PARD3: variants seen among roughly 807,000 people sequenced by gnomAD.
PARD3 encodes par-3 family cell polarity regulator, also known as partitioning defective 3 homolog.
PARD3 carries 75 observed loss-of-function variants against 155.4 expected under a neutral mutation model. That is an observed-to-expected ratio of 0.48 (90% CI 0.40 to 0.58). The LOEUF is 0.58. Ranked by LOEUF, PARD3 falls within the 20% of genes least tolerant of loss-of-function variation. The pLI, the probability that PARD3 is intolerant of heterozygous loss-of-function variation, is 0.00. For synonymous variants in PARD3, 576 were observed against 610.5 expected (o/e 0.94, Z 0.83); for missense variants, 1,642 against 1,721.7 (o/e 0.95, Z 0.82).
chr10:34,232,997 C>T (rs35937933), intron 22 of PARD3, among the ~76,000 whole-genome samples: 9,924 of 150,842 alleles, frequency 0.066, 580 homozygotes, highest in African/African-American at 0.14. Flanking sequence ...CCACCGTGCC[C>T]GGCCCATCCT....
At chr10:34,287,739 A>G (rs565987441) in intron 20 of PARD3, among the ~76,000 whole-genome samples, 1 of 152,316 alleles carries the variant, frequency 6.6e-6, no homozygotes, top group South Asian at 2.1e-4. Context: ...TTTTCTCTTA[A>G]GTACGTATGA....
rs769762949 is a variant in PARD3, at chr10:34,378,116, T to C, written c.1400-10A>G. On this transcript the variant is annotated splice_polypyrimidine_tract_variant and intron_variant, in intron 9 of 24. Transcript: ENST00000374788. The stretch of plus-strand genomic sequence containing the variant: ...CCCAAACCTTCTGTACCTAGGTATG[T>C]GAAGGAGAAGAAAAGTAAATAAAAT... The C allele has an allele frequency of 7.0e-6, 11 of 1,565,664 alleles. No homozygotes were observed. In the South Asian group the frequency reaches 1.3e-4, roughly 19 times the overall value.
intron 2 of PARD3, among the ~76,000 whole-genome samples, chr10:34,628,726 G>C (rs2092113214): frequency 6.6e-6 from 1 of 152,220 alleles, no homozygotes; most frequent in Non-Finnish European, 1.5e-5. Flanking sequence ...TGGACAGAGA[G>C]GCAGATACAC....
At chr10:34,796,152 A>G (rs1842223814) in intron 1 of PARD3, among the ~76,000 whole-genome samples, 1 of 152,188 alleles carries the variant, frequency 6.6e-6, no homozygotes. Flanking sequence ...AATTTGTACA[A>G]TAAACTATGA....
chr10:34,748,383 T>C (rs1835571122), intron 1 of PARD3, among the ~76,000 whole-genome samples: 2 of 151,914 alleles, frequency 1.3e-5, no homozygotes, highest in African/African-American at 4.8e-5. Context: ...GGCACAAGAA[T>C]CGATTGAGCC....
rs73268986 is a variant in PARD3, at chr10:34,217,804, T to C, written c.3419+51853A>G. 8.5e-3 allele frequency among the ~76,000 whole-genome samples: 1,299 copies of C among 152,288 alleles called. 28 individuals are homozygous for C. The highest frequency in any genetic ancestry group is 0.03 in the African/African-American group (1,229 of 41,542). ...TGTTCTAGGTACTAGGAACACAATGTTGAACAAGACAGGCAGGATTCCTCC... is the reference window on the plus strand; with the variant it reads ...TGTTCTAGGTACTAGGAACACAATGCTGAACAAGACAGGCAGGATTCCTCC... On this transcript the variant is annotated intron_variant, in intron 22 of 24. Coordinates refer to ENST00000374788, the MANE Select transcript of PARD3 (RefSeq NM_001184785.2).
At chr10:34,706,472 C>T (rs747855876) in intron 1 of PARD3, among the ~76,000 whole-genome samples, 13 of 152,206 alleles carry the variant, frequency 8.5e-5, no homozygotes, top group African/African-American at 9.7e-5. Flanking sequence ...CCAGGCCAGG[C>T]GTGGTGGCCC....
chr10:34,804,039 T>G (rs1342463461), intron 1 of PARD3, among the ~76,000 whole-genome samples: 1 of 83,160 alleles, frequency 1.2e-5, no homozygotes, highest in African/African-American at 1.0e-4. Context: ...GTTTTTGTTT[T>G]TTTTTTTTTT....
At chr10:34,213,963 A>G (rs1951879077) in intron 22 of PARD3, among the ~76,000 whole-genome samples, 1 of 152,104 alleles carries the variant, frequency 6.6e-6, no homozygotes, top group Non-Finnish European at 1.5e-5. Flanking sequence ...TGGTGTGATC[A>G]TAGCTCACTG....
At chr10:34,133,221 C>T (rs1310243334) in intron 22 of PARD3, among the ~76,000 whole-genome samples, 1 of 152,174 alleles carries the variant, frequency 6.6e-6, no homozygotes, top group Non-Finnish European at 1.5e-5. Context: ...CTGCAACATG[C>T]CCACTGGAGC....
At chr10:34,475,322 T>C (rs535433305) in intron 3 of PARD3, among the ~76,000 whole-genome samples, 2 of 152,324 alleles carry the variant, frequency 1.3e-5, no homozygotes, top group South Asian at 4.1e-4. Context: ...AGAAGACATC[T>C]GGATTCTCAT....
intron 22 of PARD3, among the ~76,000 whole-genome samples, chr10:34,248,874 A>G (rs951697943): frequency 3.3e-5 from 5 of 152,262 alleles, no homozygotes; most frequent in African/African-American, 1.2e-4. Context: ...GTTAGAAAGC[A>G]CTATCAATAA....
At position 34,341,830 on chromosome 10, in the gene PARD3, A is replaced by G; in HGVS notation, c.2219-14T>C. On this transcript the variant is annotated splice_polypyrimidine_tract_variant and intron_variant, in intron 15 of 24. Coordinates refer to ENST00000374788, the MANE Select transcript of PARD3 (RefSeq NM_001184785.2). ...GCTGGTATTTACCTGTCCAGTGAAA[A>G]AAGAAGAAGAGAAAATTCTAGACAT... The G allele has an allele frequency of 6.5e-7, 1 of 1,531,360 alleles. No homozygotes were observed. Among genetic ancestry groups the G allele is most frequent in the Non-Finnish European group, 8.9e-7 (1 of 1,123,624 alleles). The allele number at this position is 1,531,360 out of a possible 1,614,324, so 94.9% of individuals were successfully genotyped here. A position where few individuals can be genotyped will look rare whatever the true frequency, so the allele number is the denominator to read the frequency against.
At chr10:34,363,801 G>A (rs912132240) in intron 12 of PARD3, among the ~76,000 whole-genome samples, 2 of 152,164 alleles carry the variant, frequency 1.3e-5, no homozygotes, top group African/African-American at 4.8e-5. Flanking sequence ...GCACATACAT[G>A]TGTGTATACC....
Position 34,779,222 on chromosome 10 carries a change from C to T in PARD3, c.120+35654G>A, listed in dbSNP as rs180796451. Reference sequence around the variant, plus strand: ...TCGGGAGGCTGAGGCAGGAGAATCGCTTGAACCTGGGAGGTGAAGGCTGCA... The same window carrying T: ...TCGGGAGGCTGAGGCAGGAGAATCGTTTGAACCTGGGAGGTGAAGGCTGCA... On this transcript the variant is annotated intron_variant, in intron 1 of 24. Transcript: ENST00000374788. Among the ~76,000 whole-genome samples the T allele has an allele frequency of 8.0e-3, 1,212 of 152,220 alleles. 8 individuals carry two copies. Among genetic ancestry groups the T allele is most frequent in the Middle Eastern group, 0.02 (6 of 294 alleles).
chr10:34,138,271 T>C (rs893015264), intron 22 of PARD3, among the ~76,000 whole-genome samples: 2 of 152,228 alleles, frequency 1.3e-5, no homozygotes, highest in East Asian at 3.8e-4. Context: ...CAGATCTTAA[T>C]ACATGAAACC....
intron 2 of PARD3, among the ~76,000 whole-genome samples, chr10:34,578,050 CT>C (rs11404097): frequency 2.9e-4 from 42 of 146,332 alleles, no homozygotes; most frequent in Middle Eastern, 3.6e-3. Context: ...TTCTGTTGCT[CT>C]TTTTTTTTTT....
intron 2 of PARD3, among the ~76,000 whole-genome samples, chr10:34,560,821 G>A (rs1261852218): frequency 6.6e-6 from 1 of 152,122 alleles, no homozygotes; most frequent in Non-Finnish European, 1.5e-5. Context: ...TTCATGAGGT[G>A]CAAAGGATAG....
chr10:34,188,891 C>T (rs1054514268), intron 22 of PARD3, among the ~76,000 whole-genome samples: 4 of 152,142 alleles, frequency 2.6e-5, no homozygotes, highest in Non-Finnish European at 5.9e-5. Context: ...CTTCCCAACA[C>T]AGCATGGACT....
Sources: allele counts gnomAD v4.1 joint callset (sites outside exome capture counted in the v4.1 genomes callset), GRCh38; gene constraint gnomAD v4.1.1; transcripts MANE v1.5; gene names NCBI Gene and HGNC (gene_info 2026-07-23, HGNC 2026-07-21).